Variants in PALS2 observed in about 807,000 individuals in gnomAD.
PALS2 encodes the protein protein PALS2.
PALS2 carries 27 observed loss-of-function variants against 61.6 expected under a neutral mutation model. The ratio of observed to expected loss-of-function variants is 0.44; its 90% CI spans 0.32 to 0.60. PALS2 has a LOEUF of 0.60. Ranked by LOEUF, PALS2 falls within the 20% of genes least tolerant of loss-of-function variation. The pLI is 0.05. For missense variants in PALS2, 554 were observed against 639.4 expected (o/e 0.87, Z 1.44); for synonymous variants, 236 against 218.6 (o/e 1.08, Z -0.70).
At chr7:24,678,133 C>A (rs1370996652) in intron 9 of PALS2, among the ~76,000 whole-genome samples, 1 of 152,122 alleles carries the variant, frequency 6.6e-6, no homozygotes, top group Non-Finnish European at 1.5e-5. Flanking sequence ...ATAACACGCT[C>A]AAAAATTACT....
chr7:24,652,094 G>C (rs1271720871), intron 5 of PALS2, among the ~76,000 whole-genome samples: 1 of 152,158 alleles, frequency 6.6e-6, no homozygotes, highest in Non-Finnish European at 1.5e-5. Context: ...TTATTCCTCA[G>C]TTGGCAACTT....
chr7:24,577,271 CTT>C (rs59851624), intron 1 of PALS2, among the ~76,000 whole-genome samples: 35 of 131,254 alleles, frequency 2.7e-4, no homozygotes, highest in African/African-American at 4.1e-4. Flanking sequence ...TCCTTTTTTC[CTT>C]TTTTTTTTTT....
At chr7:24,679,083 A>C in intron 9 of PALS2, 48 bp from the exon 10 acceptor site, 1 of 1,551,988 alleles carries the variant, frequency 6.4e-7, no homozygotes, top group South Asian at 1.1e-5. Flanking sequence ...TCTATTTTTT[A>C]TGCCCTAAAA....
intron 1 of PALS2, among the ~76,000 whole-genome samples, chr7:24,602,272 A>G (rs1472393149): frequency 6.6e-6 from 1 of 151,812 alleles, no homozygotes; most frequent in East Asian, 1.9e-4. Context: ...GATAATTTTT[A>G]TAACTGTTTC....
At chr7:24,671,506 T>G (rs1217412152) in intron 9 of PALS2, among the ~76,000 whole-genome samples, 1 of 152,212 alleles carries the variant, frequency 6.6e-6, no homozygotes, top group Non-Finnish European at 1.5e-5. Context: ...ATGGTGTCCT[T>G]TGATATACAA....
intron 3 of PALS2, 78 bp downstream of exon 3, chr7:24,641,946 T>A: frequency 6.8e-7 from 1 of 1,460,848 alleles, no homozygotes; most frequent in Non-Finnish European, 9.4e-7. Context: ...TTTAAGGTGA[T>A]GTTTTCTTCA....
At chr7:24,679,410 G>T in intron 10 of PALS2, 77 bp downstream of exon 10, 1 of 1,472,734 alleles carries the variant, frequency 6.8e-7, no homozygotes, top group Non-Finnish European at 9.3e-7. Flanking sequence ...GGGGTTGTTG[G>T]GTTGGGGTTG....
intron 11 of PALS2, among the ~76,000 whole-genome samples, chr7:24,683,479 C>T (rs1245061458): frequency 1.3e-5 from 2 of 150,588 alleles, no homozygotes; most frequent in Admixed American, 6.6e-5. Flanking sequence ...AAGATTGTCC[C>T]ATCATTGACC....
intron 5 of PALS2, among the ~76,000 whole-genome samples, chr7:24,653,009 G>A (rs1013315015): frequency 1.3e-5 from 2 of 152,102 alleles, no homozygotes; most frequent in Admixed American, 6.6e-5. Flanking sequence ...GGGGCTATTC[G>A]TAATTCCATT....
At chr7:24,650,790 C>CTTTGG in intron 5 of PALS2, 78 bp downstream of exon 5, 1 of 1,005,192 alleles carries the variant, frequency 9.9e-7, no homozygotes, top group Non-Finnish European at 1.4e-6. Flanking sequence ...CTATCAGTTG[C>CTTTGG]TACTATTTTG....
In PALS2 at chr7:24,577,912, AG is replaced by A. The variant is rs1335342458; in HGVS notation, c.-3+4320del. Among the ~76,000 whole-genome samples, 3 of 152,260 alleles carry A rather than the reference AG, an allele frequency of 2.0e-5. No individual in the cohort carries two copies. The East Asian group carries it at 5.8e-4, about 29-fold the overall frequency. On this transcript the variant is annotated intron_variant, in intron 1 of 11. Transcript: ENST00000222644. ...TAATCTCCATACTCACTAGAATATA[AG>A]CCCCGTGATATCAATGATCTTGTCT... is the stretch of plus-strand genomic sequence containing the variant.
intron 1 of PALS2, among the ~76,000 whole-genome samples, chr7:24,592,080 G>C (rs975507901): frequency 1.4e-4 from 22 of 152,146 alleles, no homozygotes; most frequent in Admixed American, 1.0e-3. Flanking sequence ...TTCCACCTCA[G>C]CTGGGACTGT....
intron 9 of PALS2, among the ~76,000 whole-genome samples, chr7:24,668,871 G>A (rs1787165111): frequency 6.6e-6 from 1 of 152,168 alleles, no homozygotes; most frequent in Middle Eastern, 3.2e-3. Context: ...GCTGTCTGGT[G>A]GCAAGTGCTT....
chr7:24,669,653 T>A (rs2128089813), intron 9 of PALS2, among the ~76,000 whole-genome samples: 1 of 152,264 alleles, frequency 6.6e-6, no homozygotes, highest in Middle Eastern at 3.4e-3. Flanking sequence ...AATTTTAGAG[T>A]TTCCCTGGTT....
Position 24,679,216 on chromosome 7 carries a change from A to G in PALS2, c.1200A>G (p.Lys400=). 6.2e-7 allele frequency: 1 copy of G among 1,614,040 alleles called. No homozygotes were observed. ...VSRSEMEADI[K]AGKYLEHGEY... is the part of the protein sequence containing the mutation. ...GATCTGAGATGGAAGCAGATATTAA[A>G]GCTGGAAAGTATTTGGAACATGGGG... Residue 400 remains lysine (K), a synonymous_variant, in exon 10 of 12, where the codon AAA becomes AAG. Coordinates refer to ENST00000222644, the MANE Select transcript of PALS2 (RefSeq NM_001303037.2).
intron 3 of PALS2, among the ~76,000 whole-genome samples, chr7:24,646,710 C>T (rs916038122): frequency 6.6e-5 from 10 of 152,112 alleles, no homozygotes; most frequent in Non-Finnish European, 1.5e-4. Flanking sequence ...TTTGGAATAG[C>T]TTTTCTGTAG....
chr7:24,573,780 T>G lies in PALS2; in HGVS notation c.-3+187T>G, dbSNP rs6973781. Among the ~76,000 whole-genome samples the G allele has an allele frequency of 0.49, 72,533 of 146,670 alleles. 21,379 individuals carry two copies. The highest frequency in any genetic ancestry group is 0.81 in the African/African-American group (33,214 of 40,928). ...GCAGGCGGCGGCGGCGGCGCCGCGG[T>G]CGGGGAGGCTGCTGGCCGCCCCCAG... On this transcript the variant is annotated intron_variant, in intron 1 of 11. Transcript: ENST00000222644. This position sits in a 1 kb window ranked among gnomAD's most constrained non-coding sequence, Gnocchi z 5.3.
At chr7:24,634,118 G>A (rs1181361348) in intron 2 of PALS2, among the ~76,000 whole-genome samples, 1 of 151,730 alleles carries the variant, frequency 6.6e-6, no homozygotes, top group Non-Finnish European at 1.5e-5. Context: ...ATGTATTCTG[G>A]GTACAAGTCT....
rs187525582 is a variant in PALS2 at position 24,693,760 on chromosome 7, T to A, written c.*6146T>A. 3.9e-5 allele frequency: 6 copies of A among 152,280 alleles called. No homozygotes were observed. In the East Asian group the frequency reaches 9.6e-4, roughly 24 times the overall value. 9.4% of individuals were successfully genotyped at this position (152,280 alleles called of 1,614,324 possible). On this transcript the variant is annotated 3_prime_UTR_variant, in exon 12 of 12. Coordinates refer to ENST00000222644, the MANE Select transcript of PALS2 (RefSeq NM_001303037.2). ...CTGATTTTTTTTTAAAGAAGTGATA[T>A]GTTGGACTCTGTTGTAGAAGAATGA...
Sources: gnomAD v4.1 joint callset for allele counts (sites outside exome capture counted in the v4.1 genomes callset) on GRCh38, gnomAD v4.1.1 for gene constraint, Gnocchi (gnomAD v3.1) non-coding constraint, MANE v1.5 for transcripts, NCBI Gene and HGNC (gene_info 2026-07-23, HGNC 2026-07-21) for gene names.